CPXM2: variants seen among roughly 807,000 people sequenced by gnomAD.
CPXM2 encodes the protein inactive carboxypeptidase-like protein X2.
Under a neutral mutation model 86.1 loss-of-function variants are expected in CPXM2, and 66 were observed. That is an observed-to-expected ratio of 0.77 (90% CI 0.63 to 0.94). The LOEUF is 0.94. Among genes scored for constraint, CPXM2 ranks in the 40% least tolerant of loss-of-function variants. The probability of loss-of-function intolerance (pLI) is 0.00; values close to 1 mark genes in which losing one functional copy is unlikely to be tolerated. For synonymous variants in CPXM2, 388 were observed against 400.2 expected (o/e 0.97, Z 0.36); for missense variants, 948 against 1,026.3 (o/e 0.92, Z 1.04).
intron 4 of CPXM2, among the ~76,000 whole-genome samples, chr10:123,807,522 C>T (rs1847605819): frequency 6.6e-6 from 1 of 152,142 alleles, no homozygotes; most frequent in African/African-American, 2.4e-5. Flanking sequence ...GTAACTTATA[C>T]AACATTCCTT....
chr10:123,876,714 C>G (rs1419772280), intron 2 of CPXM2, among the ~76,000 whole-genome samples: 2 of 152,116 alleles, frequency 1.3e-5, no homozygotes, highest in East Asian at 3.8e-4. Flanking sequence ...CAATCTGATC[C>G]TTTAAAGAAG....
At chr10:123,823,964 AT>A (rs1190023235) in intron 4 of CPXM2, among the ~76,000 whole-genome samples, 4 of 152,254 alleles carry the variant, frequency 2.6e-5, no homozygotes, top group Non-Finnish European at 4.4e-5. Flanking sequence ...CTACAAAATA[AT>A]TTTTAATTAA....
intron 2 of CPXM2, among the ~76,000 whole-genome samples, chr10:123,869,605 C>G (rs774657859): frequency 6.6e-6 from 1 of 152,204 alleles, no homozygotes; most frequent in African/African-American, 2.4e-5. Context: ...CTGAGCAGGG[C>G]GCCATCTCCC....
At chr10:123,792,141 G>A (rs1402092788) in intron 6 of CPXM2, among the ~76,000 whole-genome samples, 1 of 152,236 alleles carries the variant, frequency 6.6e-6, no homozygotes, top group Admixed American at 6.5e-5. Flanking sequence ...GGTTAATGGG[G>A]AGGAAGTATC....
At chr10:123,929,871 T>G (rs1337003991) in intron 2 of CPXM2, among the ~76,000 whole-genome samples, 1 of 152,156 alleles carries the variant, frequency 6.6e-6, no homozygotes, top group Non-Finnish European at 1.5e-5. Flanking sequence ...ACAAGAAGCC[T>G]GGGGTCACAG....
chr10:123,784,532 G>A (rs1268357763), intron 6 of CPXM2, among the ~76,000 whole-genome samples: 6 of 152,122 alleles, frequency 3.9e-5, no homozygotes, highest in Non-Finnish European at 8.8e-5. Flanking sequence ...CTGCCCCATA[G>A]GGCCTTCTGG....
intron 1 of CPXM2, 90 bp from the exon 2 acceptor site, chr10:123,880,399 A>G: frequency 2.8e-6 from 2 of 702,878 alleles, no homozygotes; most frequent in Admixed American, 4.0e-5. Flanking sequence ...CCTGCACAGC[A>G]GCCATCTCCC....
At chr10:123,835,020 T>C (rs1848249833) in intron 4 of CPXM2, among the ~76,000 whole-genome samples, 1 of 152,218 alleles carries the variant, frequency 6.6e-6, no homozygotes, top group Non-Finnish European at 1.5e-5. Context: ...ACCATGCTTC[T>C]TGCACAACTG....
intron 7 of CPXM2, among the ~76,000 whole-genome samples, chr10:123,779,626 G>GATTCCA (rs1259320028): frequency 6.6e-6 from 1 of 152,140 alleles, no homozygotes; most frequent in African/African-American, 2.4e-5. Context: ...TTTCCCAGGT[G>GATTCCA]ATTCCAATAT....
At chr10:123,864,170 C>A (rs1050588132) in intron 2 of CPXM2, among the ~76,000 whole-genome samples, 1 of 152,166 alleles carries the variant, frequency 6.6e-6, no homozygotes, top group Non-Finnish European at 1.5e-5. Context: ...TGGTCTCAGC[C>A]TATCCTGCCT....
chr10:123,851,417 C>A (rs1230424323), intron 3 of CPXM2, among the ~76,000 whole-genome samples: 1 of 152,204 alleles, frequency 6.6e-6, no homozygotes, highest in African/African-American at 2.4e-5. Context: ...TGTGTTCCCC[C>A]TCTCCAAAAT....
intron 2 of CPXM2, among the ~76,000 whole-genome samples, chr10:123,916,781 T>C (rs1554892374): frequency 0.34 from 50,873 of 151,530 alleles, 9,128 homozygotes; most frequent in Middle Eastern, 0.55. Flanking sequence ...TCTCTCTCTT[T>C]TTTTTTTTTC....
At chr10:123,796,923 T>C (rs1304614909) in intron 6 of CPXM2, among the ~76,000 whole-genome samples, 2 of 152,100 alleles carry the variant, frequency 1.3e-5, no homozygotes, top group Non-Finnish European at 2.9e-5. Flanking sequence ...CCCCATGAAG[T>C]GATGAGGCCC....
At chr10:123,940,977 C>T (rs934817671), upstream of CPXM2, among the ~76,000 whole-genome samples, 3 of 152,084 alleles carry the variant, frequency 2.0e-5, no homozygotes, top group Non-Finnish European at 4.4e-5. Context: ...CGAGACCATC[C>T]TGGCTAACAC....
At chr10:123,832,630 C>G (rs141369518) in intron 4 of CPXM2, among the ~76,000 whole-genome samples, 1 of 152,054 alleles carries the variant, frequency 6.6e-6, no homozygotes, top group South Asian at 2.1e-4. Context: ...AGTTCAAGAC[C>G]AGTCTGACCA....
At chr10:123,820,132 C>T (rs1165345549) in intron 4 of CPXM2, among the ~76,000 whole-genome samples, 1 of 152,216 alleles carries the variant, frequency 6.6e-6, no homozygotes, top group Non-Finnish European at 1.5e-5. Context: ...AGCTTGTAGA[C>T]AGCCCATTGT....
intron 11 of CPXM2, among the ~76,000 whole-genome samples, chr10:123,759,085 C>T (rs1325632716): frequency 6.6e-6 from 1 of 152,116 alleles, no homozygotes; most frequent in Non-Finnish European, 1.5e-5. Flanking sequence ...ACACAGTGAG[C>T]GTGTTTGCAG....
intron 7 of CPXM2, among the ~76,000 whole-genome samples, chr10:123,771,889 G>A (rs868254831): frequency 7.2e-5 from 11 of 152,106 alleles, no homozygotes; most frequent in African/African-American, 1.4e-4. Context: ...GGTGCCTTCC[G>A]CCATTATTAT....
chr10:123,761,456 G>C (rs2133986781), intron 11 of CPXM2, among the ~76,000 whole-genome samples: 1 of 152,288 alleles, frequency 6.6e-6, no homozygotes, highest in East Asian at 1.9e-4. Flanking sequence ...TCCAGCGCCA[G>C]CACCAGCATG....
Sources: allele counts gnomAD v4.1 joint callset (sites outside exome capture counted in the v4.1 genomes callset), GRCh38; gene constraint gnomAD v4.1.1; transcripts MANE v1.5; gene names NCBI Gene and HGNC (gene_info 2026-07-23, HGNC 2026-07-21).